The following LEPR variants were observed in gnomAD, a reference collection of about 807,000 sequenced individuals.
LEPR encodes the protein OB receptor.
Under a neutral mutation model 114.7 loss-of-function variants are expected in LEPR, and 56 were observed. That is an observed-to-expected ratio of 0.49 (90% CI 0.39 to 0.61). The LOEUF is 0.61. Among genes scored for constraint, LEPR ranks in the 20% least tolerant of loss-of-function variants. The probability of loss-of-function intolerance (pLI) is 0.00; values close to 1 mark genes in which losing one functional copy is unlikely to be tolerated. For synonymous variants in LEPR, 443 were observed against 461.4 expected, an observed-to-expected ratio of 0.96 and a Z score of 0.51; for missense variants, 1,202 against 1,352.9, an observed-to-expected ratio of 0.89 and a Z score of 1.75.
chr1:65,604,884 C>T (rs1404336709), intron 10 of LEPR, among the ~76,000 whole-genome samples, 154 bp from the exon 11 acceptor site: 1 of 152,182 alleles, frequency 6.6e-6, no homozygotes. Flanking sequence ...CATCTCCCAT[C>T]CCCCATTAGT....
intron 14 of LEPR, among the ~76,000 whole-genome samples, chr1:65,614,219 C>A (rs939467379): frequency 1.3e-5 from 2 of 152,132 alleles, no homozygotes; most frequent in African/African-American, 4.8e-5. Context: ...AAAAATGAAA[C>A]GATTCTGTAT....
chr1:65,513,990 C>T (rs1301806096), intron 2 of LEPR, among the ~76,000 whole-genome samples: 2 of 152,078 alleles, frequency 1.3e-5, no homozygotes, highest in Non-Finnish European at 2.9e-5. Context: ...AAAGAAAATT[C>T]GGTTACTGCA....
chr1:65,572,852 G>A (rs551735097), intron 5 of LEPR, among the ~76,000 whole-genome samples: 18 of 152,282 alleles, frequency 1.2e-4, no homozygotes, highest in African/African-American at 3.6e-4. Context: ...AGCTCTCTTA[G>A]CAGCAGCTTT....
chr1:65,579,852 ATAGT>A (rs1403960224), intron 5 of LEPR, among the ~76,000 whole-genome samples: 3 of 152,198 alleles, frequency 2.0e-5, no homozygotes, highest in Admixed American at 2.0e-4. Context: ...ATAAATTTGA[ATAGT>A]TACTTAGTTA....
intron 19 of LEPR, among the ~76,000 whole-genome samples, chr1:65,625,747 G>A (rs539620588): frequency 6.6e-5 from 10 of 152,056 alleles, no homozygotes; most frequent in Non-Finnish European, 1.3e-4. Context: ...GAGATGTGGT[G>A]TCCAGCTAAG....
intron 14 of LEPR, among the ~76,000 whole-genome samples, chr1:65,613,096 T>G (rs969378947): frequency 2.6e-5 from 4 of 152,236 alleles, no homozygotes; most frequent in Non-Finnish European, 5.9e-5. Context: ...GATTTGTCTG[T>G]TCTCCCACAT....
At chr1:65,448,052 T>C (rs1340381584) in intron 2 of LEPR, among the ~76,000 whole-genome samples, 4 of 152,202 alleles carry the variant, frequency 2.6e-5, no homozygotes, top group Non-Finnish European at 5.9e-5. Flanking sequence ...ATTTCCAATA[T>C]GATGTTGAAA....
At chr1:65,518,883 T>C (rs1264920674) in intron 2 of LEPR, among the ~76,000 whole-genome samples, 7 of 82,356 alleles carry the variant, frequency 8.5e-5, no homozygotes, top group African/African-American at 2.1e-4. Context: ...TTTTCTTTCT[T>C]TCTTTCTTTC....
chr1:65,596,400 G>A lies in LEPR; in HGVS notation c.704-48G>A, dbSNP rs750882222. 5 of 1,603,006 alleles carry A rather than the reference G, an allele frequency of 3.1e-6. No individual in the cohort carries two copies. The East Asian group carries it at 1.1e-4, about 36-fold the overall frequency. On this transcript the variant is annotated intron_variant, in intron 6 of 19. Coordinates refer to ENST00000349533, the MANE Select transcript of LEPR (RefSeq NM_002303.6). The stretch of plus-strand genomic sequence containing the variant: ...GACTTTATTTTATTCAGCTATAATT[G>A]TCATGAAAATTACTTGACTTAAAAG...
At chr1:65,486,455 T>G (rs539183242) in intron 2 of LEPR, 1 of 152,334 alleles carries the variant, frequency 6.6e-6, no homozygotes, top group African/African-American at 2.4e-5. Flanking sequence ...CCATTAACTC[T>G]TCTCAAATGT....
intron 2 of LEPR, among the ~76,000 whole-genome samples, chr1:65,472,445 C>CTTTTTTAAAA (rs1491551499): frequency 7.6e-6 from 1 of 131,794 alleles, no homozygotes. Flanking sequence ...CACACACACA[C>CTTTTTTAAAA]GTGTGTATAT....
At chr1:65,430,633 A>G (rs1291375106) in intron 2 of LEPR, among the ~76,000 whole-genome samples, 5 of 152,116 alleles carry the variant, frequency 3.3e-5, no homozygotes, top group Admixed American at 6.6e-5. Flanking sequence ...ATTACGTTCT[A>G]TTTTAATTTT....
chr1:65,453,112 G>T (rs1356992906), intron 2 of LEPR, among the ~76,000 whole-genome samples: 1 of 152,186 alleles, frequency 6.6e-6, no homozygotes, highest in Non-Finnish European at 1.5e-5. Context: ...ATTTCTGTGG[G>T]ATTGGTGGTG....
At chr1:65,530,554 T>C (rs1453090868) in intron 2 of LEPR, among the ~76,000 whole-genome samples, 1 of 152,220 alleles carries the variant, frequency 6.6e-6, no homozygotes, top group African/African-American at 2.4e-5. Flanking sequence ...CTCCCCTTTT[T>C]AGACCATATT....
chr1:65,588,553 G>A (rs997522902), intron 5 of LEPR, among the ~76,000 whole-genome samples: 1 of 151,862 alleles, frequency 6.6e-6, no homozygotes, highest in African/African-American at 2.4e-5. Context: ...CTGCTCCTTT[G>A]TAATCCCACC....
At chr1:65,604,930 C>T (rs1656715452) in intron 10 of LEPR, 108 bp from the exon 11 acceptor site, 1 of 1,375,638 alleles carries the variant, frequency 7.3e-7, no homozygotes, top group Non-Finnish European at 9.9e-7. Context: ...GTCCCTGGTG[C>T]CAAAAAGGTT....
At chr1:65,516,404 A>C (rs1235059005) in intron 2 of LEPR, among the ~76,000 whole-genome samples, 2 of 152,186 alleles carry the variant, frequency 1.3e-5, no homozygotes, top group Non-Finnish European at 2.9e-5. Context: ...AGATCACTCC[A>C]CTGCACTCCA....
In LEPR at chr1:65,572,554, A is replaced by G. The variant is rs1654276019; in HGVS notation, c.494+105A>G. On this transcript the variant is annotated intron_variant, in intron 5 of 19. Coordinates refer to ENST00000349533, the MANE Select transcript of LEPR (RefSeq NM_002303.6). ...AACCTCTTGCATCCCTACATTTCCTATTATATGTTTTATTTTTTAATATAG... is the reference window on the plus strand; with the variant it reads ...AACCTCTTGCATCCCTACATTTCCTGTTATATGTTTTATTTTTTAATATAG... The G allele has an allele frequency of 1.6e-5, 19 of 1,170,014 alleles. 1 individual carries two copies. In the Admixed American group the frequency reaches 3.5e-4, roughly 21 times the overall value. The allele number at this position is 1,170,014 out of a possible 1,614,324, so 72.5% of individuals were successfully genotyped here. A position where few individuals can be genotyped will look rare whatever the true frequency, so the allele number is the denominator to read the frequency against.
At chr1:65,581,802 G>T (rs1655008152) in intron 5 of LEPR, among the ~76,000 whole-genome samples, 1 of 152,122 alleles carries the variant, frequency 6.6e-6, no homozygotes, top group African/African-American at 2.4e-5. Context: ...AACACTTGCT[G>T]GAAATCTCCT....
Sources: allele counts gnomAD v4.1 joint callset (sites outside exome capture counted in the v4.1 genomes callset), GRCh38; gene constraint gnomAD v4.1.1; transcripts MANE v1.5; gene names NCBI Gene and HGNC (gene_info 2026-07-23, HGNC 2026-07-21).